Variants in NEGR1 observed in about 807,000 individuals in gnomAD.
NEGR1 encodes the protein neuronal growth regulator 1, also known as IgLON family member 4.
Under a neutral mutation model 40.9 loss-of-function variants are expected in NEGR1, and 10 were observed. That is an observed-to-expected ratio of 0.24 (90% CI 0.15 to 0.42). The LOEUF (loss-of-function observed/expected upper bound fraction) is 0.42. Ranked by LOEUF, NEGR1 falls within the 10% of genes least tolerant of loss-of-function variation. NEGR1 has a pLI of 1.00. For missense variants in NEGR1, 352 were observed against 438.9 expected (o/e 0.80, Z 1.77); for synonymous variants, 185 against 166.8 (o/e 1.11, Z -0.84).
chr1:72,109,010 C>T (rs1288210533), intron 1 of NEGR1, among the ~76,000 whole-genome samples: 1 of 151,570 alleles, frequency 6.6e-6, no homozygotes, highest in Admixed American at 6.6e-5. Flanking sequence ...AAGCAAGTGA[C>T]ATTATCACAC....
chr1:72,036,037 C>T (rs1274262284), intron 1 of NEGR1, among the ~76,000 whole-genome samples: 1 of 152,080 alleles, frequency 6.6e-6, no homozygotes, highest in Non-Finnish European at 1.5e-5. Context: ...GAAATGTGTA[C>T]AGGCACGTGA....
At chr1:71,648,137 T>G (rs1476494723) in intron 4 of NEGR1, among the ~76,000 whole-genome samples, 1 of 151,978 alleles carries the variant, frequency 6.6e-6, no homozygotes, top group Non-Finnish European at 1.5e-5. Context: ...AAAAGAATGC[T>G]TTGGGGTCTA....
chr1:72,218,153 T>C (rs1653886379), intron 1 of NEGR1, among the ~76,000 whole-genome samples: 1 of 151,900 alleles, frequency 6.6e-6, no homozygotes, highest in South Asian at 2.1e-4. Context: ...CTGTTTTTAC[T>C]AAAACTACTT....
chr1:71,506,812 C>T (rs1208581552), intron 6 of NEGR1, among the ~76,000 whole-genome samples: 1 of 151,552 alleles, frequency 6.6e-6, no homozygotes, highest in Non-Finnish European at 1.5e-5. Context: ...AAAACAAAAA[C>T]AAAAACAAAA....
intron 1 of NEGR1, among the ~76,000 whole-genome samples, chr1:72,213,108 A>C (rs748714973): frequency 2.6e-5 from 4 of 151,970 alleles, no homozygotes; most frequent in Non-Finnish European, 5.9e-5. Context: ...AAAAAGAATA[A>C]ATATTGCATC....
intron 6 of NEGR1, among the ~76,000 whole-genome samples, chr1:71,527,402 ACCATCCATCCATCCAT>A (rs71095944): frequency 1.5e-4 from 22 of 147,914 alleles, no homozygotes; most frequent in Middle Eastern, 3.4e-3. Flanking sequence ...CCATCCAACC[ACCATCCATCCATCCAT>A]CCATCCATCC....
intron 2 of NEGR1, among the ~76,000 whole-genome samples, chr1:71,843,989 C>T (rs1451489841): frequency 1.3e-5 from 2 of 152,094 alleles, no homozygotes; most frequent in African/African-American, 4.8e-5. Context: ...ACCAGGCTAG[C>T]CTTCTTTTAA....
chr1:71,402,084 C>T lies in NEGR1; in HGVS notation c.*5362G>A, dbSNP rs1646250429. The stretch of plus-strand genomic sequence containing the variant: ...GCTAGCAATGTGATTATATGCTTTT[C>T]TTTTTCCTAGGTAGTCTGGGACTGG... On this transcript the variant is annotated 3_prime_UTR_variant, in exon 7 of 7. Coordinates refer to ENST00000357731, the MANE Select transcript of NEGR1 (RefSeq NM_173808.3). 6.6e-6 allele frequency: 1 copy of T among 152,020 alleles called. No homozygotes were observed. The highest frequency in any genetic ancestry group is 2.4e-5 in the African/African-American group (1 of 41,388). 9.4% of individuals were successfully genotyped at this position (152,020 alleles called of 1,614,324 possible).
At chr1:71,469,286 C>G (rs1299181422) in intron 6 of NEGR1, among the ~76,000 whole-genome samples, 3 of 151,922 alleles carry the variant, frequency 2.0e-5, no homozygotes, top group Non-Finnish European at 4.4e-5. Context: ...CTTGGACACC[C>G]ATTAAGATAA....
At chr1:71,732,519 T>TGC (rs538227003) in intron 3 of NEGR1, among the ~76,000 whole-genome samples, 360 of 137,000 alleles carry the variant, frequency 2.6e-3, no homozygotes, top group African/African-American at 8.9e-3. Context: ...TGTGTGTGTG[T>TGC]GCGCGCGCGC....
chr1:71,597,412 TTATA>T (rs369364525), intron 5 of NEGR1, among the ~76,000 whole-genome samples: 224 of 120,498 alleles, frequency 1.9e-3, no homozygotes, highest in African/African-American at 7.3e-3. Context: ...GGAGTTTTAT[TTATA>T]TATATATATA....
At chr1:71,654,322 T>G (rs1398622155) in intron 4 of NEGR1, among the ~76,000 whole-genome samples, 1 of 152,096 alleles carries the variant, frequency 6.6e-6, no homozygotes, top group African/African-American at 2.4e-5. Flanking sequence ...ATACCAAGAG[T>G]GAACCTAATA....
chr1:71,722,222 C>A (rs1654532145), intron 3 of NEGR1, among the ~76,000 whole-genome samples: 1 of 152,088 alleles, frequency 6.6e-6, no homozygotes, highest in African/African-American at 2.4e-5. Context: ...ATGATTGTCT[C>A]AATTATTTGC....
intron 2 of NEGR1, among the ~76,000 whole-genome samples, chr1:71,835,328 G>T (rs1288989596): frequency 6.6e-6 from 1 of 152,068 alleles, no homozygotes; most frequent in Non-Finnish European, 1.5e-5. Context: ...TTATCTGGAA[G>T]AACTACAAAG....
chr1:71,912,739 T>C (rs1661452480), intron 2 of NEGR1, among the ~76,000 whole-genome samples: 1 of 152,154 alleles, frequency 6.6e-6, no homozygotes, highest in Admixed American at 6.6e-5. Flanking sequence ...CCATATTGTC[T>C]CAAATATATT....
intron 1 of NEGR1, among the ~76,000 whole-genome samples, chr1:72,058,863 G>A (rs1647139185): frequency 6.6e-6 from 1 of 151,492 alleles, no homozygotes; most frequent in South Asian, 2.1e-4. Flanking sequence ...ATGCACTTTT[G>A]TGAGCGGAAT....
At chr1:71,959,261 A>G (rs570134475) in intron 1 of NEGR1, among the ~76,000 whole-genome samples, 1 of 152,262 alleles carries the variant, frequency 6.6e-6, no homozygotes, top group African/African-American at 2.4e-5. Context: ...CTTGGAGACA[A>G]ACACCCACAT....
intron 1 of NEGR1, among the ~76,000 whole-genome samples, chr1:72,137,323 T>C (rs571886007): frequency 2.0e-5 from 3 of 152,178 alleles, no homozygotes; most frequent in East Asian, 3.9e-4. Context: ...CTGTTCACAA[T>C]AGAAAAGTCT....
chr1:72,279,682 C>T (rs1234026986), intron 1 of NEGR1, among the ~76,000 whole-genome samples: 1 of 152,118 alleles, frequency 6.6e-6, no homozygotes, highest in Non-Finnish European at 1.5e-5. Flanking sequence ...TAACATTACT[C>T]TTGATTAAAA....
Sources: allele counts gnomAD v4.1 joint callset (sites outside exome capture counted in the v4.1 genomes callset), GRCh38; gene constraint gnomAD v4.1.1; transcripts MANE v1.5; gene names NCBI Gene and HGNC (gene_info 2026-07-23, HGNC 2026-07-21).